The following PAPPA2 variants were observed in gnomAD, a reference collection of about 807,000 sequenced individuals.
PAPPA2 encodes the protein pappalysin-2.
PAPPA2 carries 86 observed loss-of-function variants against 176.4 expected under a neutral mutation model. The ratio of observed to expected loss-of-function variants is 0.49; its 90% CI spans 0.41 to 0.58. The LOEUF (loss-of-function observed/expected upper bound fraction) is 0.58. PAPPA2 is among the 20% of genes least tolerant of loss of function. PAPPA2 has a pLI of 0.00. For synonymous variants in PAPPA2, 809 were observed against 852.2 expected, an observed-to-expected ratio of 0.95 and a Z score of 0.88; for missense variants, 2,073 against 2,256.9, an observed-to-expected ratio of 0.92 and a Z score of 1.65.
At chr1:176,582,036 A>G (rs55894201) in intron 2 of PAPPA2, among the ~76,000 whole-genome samples, 52,749 of 146,158 alleles carry the variant, frequency 0.36, 9,801 homozygotes, top group South Asian at 0.59. Flanking sequence ...CCATTCTCCT[A>G]CCTCAGCCTC....
At position 176,771,037 on chromosome 1, in the gene PAPPA2, G is replaced by A. The variant is rs773014646; in HGVS notation, c.4572G>A (p.Glu1524=). The A allele has an allele frequency of 1.1e-4, 181 of 1,614,014 alleles. No individual in the cohort carries two copies. The highest frequency in any genetic ancestry group is 1.6e-4 in the African/African-American group (12 of 74,922). ...TCCCTGAAGTCTACTGCAAGTTGGA[G>A]TGTGATGCTCCCCCTATTATTCTGA... ...WSLPEVYCKL[E]CDAPPIILNA... The change falls in exon 17 of 23, where the codon GAG becomes GAA. Residue 1524 remains glutamate (E), a synonymous_variant. Coordinates refer to ENST00000367662, the MANE Select transcript of PAPPA2 (RefSeq NM_020318.3).
intron 1 of PAPPA2, among the ~76,000 whole-genome samples, chr1:176,482,509 C>T (rs76760588): frequency 0.081 from 12,269 of 152,206 alleles, 617 homozygotes; most frequent in South Asian, 0.16. Context: ...TAAATTCCAA[C>T]GGGCATGAAC....
chr1:176,532,928 G>A (rs1395197361), intron 1 of PAPPA2, among the ~76,000 whole-genome samples: 1 of 152,178 alleles, frequency 6.6e-6, no homozygotes, highest in Non-Finnish European at 1.5e-5. Context: ...CAGCCCCCCT[G>A]CTCACTCTAG....
intron 21 of PAPPA2, among the ~76,000 whole-genome samples, chr1:176,823,862 G>A (rs1026839008): frequency 2.6e-5 from 4 of 152,150 alleles, no homozygotes; most frequent in Admixed American, 2.0e-4. Flanking sequence ...AAGAAGGTAG[G>A]ATGTATAGTC....
At chr1:176,526,053 TGTTG>T (rs1171940596) in intron 1 of PAPPA2, among the ~76,000 whole-genome samples, 1 of 152,200 alleles carries the variant, frequency 6.6e-6, no homozygotes, top group African/African-American at 2.4e-5. Context: ...CACTATACCC[TGTTG>T]CCTCTCCTTG....
At chr1:176,752,312 T>G (rs891304631) in intron 14 of PAPPA2, among the ~76,000 whole-genome samples, 1 of 120,640 alleles carries the variant, frequency 8.3e-6, no homozygotes, top group African/African-American at 3.3e-5. Context: ...CTGCACAATG[T>G]GCACATGTAC....
chr1:176,754,264 A>AC (rs1209803110), intron 14 of PAPPA2, among the ~76,000 whole-genome samples: 1 of 151,964 alleles, frequency 6.6e-6, no homozygotes, highest in African/African-American at 2.4e-5. Flanking sequence ...GTTGAGGTCC[A>AC]CCCCCAAGGA....
At chr1:176,759,965 T>C (rs1412924691) in intron 14 of PAPPA2, among the ~76,000 whole-genome samples, 1 of 152,078 alleles carries the variant, frequency 6.6e-6, no homozygotes, top group African/African-American at 2.4e-5. Flanking sequence ...CTAAAGTTGT[T>C]AGTCAAGATT....
chr1:176,623,328 T>G (rs1655698105), intron 3 of PAPPA2, among the ~76,000 whole-genome samples: 1 of 152,172 alleles, frequency 6.6e-6, no homozygotes, highest in African/African-American at 2.4e-5. Context: ...TTCAGAGAGG[T>G]GAAACATTCC....
chr1:176,844,202 A>G lies in PAPPA2; in HGVS notation c.*1748A>G, dbSNP rs556270292. On this transcript the variant is annotated 3_prime_UTR_variant, in exon 23 of 23. Transcript: ENST00000367662. ...TGTCTCCTTTAAAGTTTCTTCTCCAATGGAAACCAAGAACAGACAAAATTT... is the reference window on the plus strand; with the variant it reads ...TGTCTCCTTTAAAGTTTCTTCTCCAGTGGAAACCAAGAACAGACAAAATTT... 10 of 152,260 alleles carry G rather than the reference A, an allele frequency of 6.6e-5. No homozygotes were observed. In the East Asian group the frequency reaches 1.2e-3, roughly 18 times the overall value. The allele number at this position is 152,260 out of a possible 1,614,324, so 9.4% of individuals were successfully genotyped here. A position where few individuals can be genotyped will look rare whatever the true frequency, so the allele number is the denominator to read the frequency against.
At chr1:176,593,715 C>T (rs1183983629) in intron 2 of PAPPA2, among the ~76,000 whole-genome samples, 1 of 152,128 alleles carries the variant, frequency 6.6e-6, no homozygotes, top group Non-Finnish European at 1.5e-5. Context: ...CCTGTAAATG[C>T]CTGTAAATGC....
chr1:176,641,375 A>T (rs1657078021), intron 3 of PAPPA2, among the ~76,000 whole-genome samples: 1 of 151,758 alleles, frequency 6.6e-6, no homozygotes, highest in Non-Finnish European at 1.5e-5. Context: ...TATAAGGTGT[A>T]AGGAAGGGAT....
chr1:176,720,924 AAG>A (rs1375901497), intron 12 of PAPPA2, among the ~76,000 whole-genome samples: 10 of 152,158 alleles, frequency 6.6e-5, no homozygotes, highest in African/African-American at 2.2e-4. Context: ...GGGAAAGAGA[AAG>A]AGTTTCCTGC....
intron 3 of PAPPA2, among the ~76,000 whole-genome samples, chr1:176,602,866 T>C (rs1654405656): frequency 6.6e-6 from 1 of 152,212 alleles, no homozygotes; most frequent in Non-Finnish European, 1.5e-5. Context: ...TAAGTTTACC[T>C]ACAAATAGAA....
At chr1:176,793,771 C>A in intron 20 of PAPPA2, 102 bp downstream of exon 20, 2 of 771,774 alleles carry the variant, frequency 2.6e-6, no homozygotes, top group Non-Finnish European at 4.1e-6. Context: ...AAAGCATCCT[C>A]AAAGCAAACA....
intron 17 of PAPPA2, among the ~76,000 whole-genome samples, chr1:176,783,384 AC>A (rs1258689740): frequency 2.6e-5 from 4 of 152,124 alleles, no homozygotes; most frequent in Non-Finnish European, 1.5e-5. Context: ...ACTCTCGAAA[AC>A]CCTACAATGG....
intron 4 of PAPPA2, 108 bp downstream of exon 4, chr1:176,671,223 A>G: frequency 7.0e-7 from 1 of 1,432,278 alleles, no homozygotes. Flanking sequence ...AAGTGAATTT[A>G]CACAGTGAAT....
intron 20 of PAPPA2, among the ~76,000 whole-genome samples, chr1:176,798,303 C>CT (rs1665532538): frequency 6.6e-6 from 1 of 152,142 alleles, no homozygotes; most frequent in Admixed American, 6.5e-5. Context: ...ATTTTGAACT[C>CT]TTTAAGGGCC....
intron 2 of PAPPA2, among the ~76,000 whole-genome samples, chr1:176,573,362 C>T (rs967782115): frequency 2.6e-5 from 4 of 152,126 alleles, no homozygotes; most frequent in African/African-American, 4.8e-5. Flanking sequence ...GAGGAACAGC[C>T]TCTGACATCT....
Sources: allele counts gnomAD v4.1 joint callset (sites outside exome capture counted in the v4.1 genomes callset), GRCh38; gene constraint gnomAD v4.1.1; transcripts MANE v1.5; gene names NCBI Gene and HGNC (gene_info 2026-07-23, HGNC 2026-07-21).